Variants in PCDHGA7 observed in about 807,000 individuals in gnomAD.
The protein encoded by PCDHGA7 is protocadherin gamma subfamily A, 7, also known as protocadherin gamma-A7.
Under a neutral mutation model 58.3 loss-of-function variants are expected in PCDHGA7, and 44 were observed. That is an observed-to-expected ratio of 0.75 (90% confidence interval 0.59 to 0.97). PCDHGA7 has a LOEUF of 0.97. Among genes scored for constraint, PCDHGA7 ranks in the 50% least tolerant of loss-of-function variants. The probability of loss-of-function intolerance (pLI) is 0.00; values close to 1 mark genes in which losing one functional copy is unlikely to be tolerated. For synonymous variants in PCDHGA7, 516 were observed against 504.2 expected, an observed-to-expected ratio of 1.02 and a Z score of -0.31; for missense variants, 1,266 against 1,188.7, an observed-to-expected ratio of 1.06 and a Z score of -0.96.
Position 141,384,391 on chromosome 5 carries a change from G to A in PCDHGA7, c.1492G>A (p.Gly498Arg). Residue 498 changes from glycine (G) to arginine (R), a missense_variant, in exon 1 of 4, where the codon GGG becomes AGG. Gly to Arg is a moderately radical substitution (Grantham distance 125). Transcript: ENST00000518325. ...TTCCTTGGCCGAAGACACCATCCAGGGGGCTCCAGTGTCCTCCTATGTCTC... is the reference window on the plus strand; with the variant it reads ...TTCCTTGGCCGAAGACACCATCCAGAGGGCTCCAGTGTCCTCCTATGTCTC... ...TYSLAEDTIQ[G>R]APVSSYVSIN... 1.2e-6 allele frequency: 2 copies of A among 1,613,920 alleles called. No individual in the cohort carries two copies. The highest frequency in any genetic ancestry group is 1.7e-6 in the Non-Finnish European group (2 of 1,179,900).
chr5:141,384,922 C>A lies in PCDHGA7; in HGVS notation c.2023C>A (p.Leu675Met), dbSNP rs760972840. ...ADSIPEVLAD[L>M]GSLEPSDGPY... ...CAGCATCCCCGAAGTCTTGGCCGAC[C>A]TGGGCAGCCTTGAGCCCTCCGACGG... is the stretch of plus-strand genomic sequence containing the variant. Residue 675 changes from leucine (L) to methionine (M), a missense_variant, in exon 1 of 4, where the codon CTG becomes ATG. By Grantham distance (15) the Leu-to-Met change is conservative. Coordinates refer to ENST00000518325, the MANE Select transcript of PCDHGA7 (RefSeq NM_018920.4). 1 of 1,614,018 alleles carries A rather than the reference C, an allele frequency of 6.2e-7. No individual in the cohort carries two copies. Among genetic ancestry groups the A allele is most frequent in the African/African-American group, 1.3e-5 (1 of 75,054 alleles).
Position 141,487,552 on chromosome 5 carries a change from A to C in PCDHGA7, c.2425-7255A>C. On this transcript the variant is annotated intron_variant, in intron 1 of 3. Coordinates refer to ENST00000518325, the MANE Select transcript of PCDHGA7 (RefSeq NM_018920.4). The surrounding 1 kb of genome is among the most constrained non-coding windows in gnomAD (Gnocchi z 5.0). ...TCATGATGGTGAAGTCACCCAGTGC[A>C]CCTATGGCAGGGGAGCCTGTTCGCC... is the stretch of plus-strand genomic sequence containing the variant. 2 of 1,614,116 alleles carry C rather than the reference A, an allele frequency of 1.2e-6. No homozygotes were observed. The highest frequency in any genetic ancestry group is 1.7e-6 in the Non-Finnish European group (2 of 1,180,024).
intron 1 of PCDHGA7, among the ~76,000 whole-genome samples, chr5:141,481,730 G>C (rs778885944): frequency 6.6e-5 from 10 of 151,952 alleles, no homozygotes; most frequent in Non-Finnish European, 1.3e-4. Flanking sequence ...GAGGCGGGCG[G>C]ATCACGAGGT....
chr5:141,405,540 C>A (rs2094682922), intron 1 of PCDHGA7: 1 of 641,202 alleles, frequency 1.6e-6, no homozygotes, highest in African/African-American at 1.8e-5. Context: ...CTGCCTCAGC[C>A]TCCCAAGTAG....
chr5:141,393,614 C>T (rs971778718), intron 1 of PCDHGA7: 2 of 1,613,778 alleles, frequency 1.2e-6, no homozygotes, highest in Non-Finnish European at 1.7e-6. Flanking sequence ...TAACAGCCAG[C>T]GACCCGGATG....
chr5:141,456,984 C>G (rs374156327), intron 1 of PCDHGA7, among the ~76,000 whole-genome samples: 1 of 152,200 alleles, frequency 6.6e-6, no homozygotes, highest in East Asian at 1.9e-4. Flanking sequence ...AACAAACAAA[C>G]AAACAAAAAC....
At chr5:141,453,288 A>T (rs931678565) in intron 1 of PCDHGA7, among the ~76,000 whole-genome samples, 18 of 151,342 alleles carry the variant, frequency 1.2e-4, no homozygotes, top group Admixed American at 3.3e-4. Context: ...TAATTTTTTA[A>T]TTATTTATTT....
At chr5:141,408,936 A>T in intron 1 of PCDHGA7, 4 of 1,613,548 alleles carry the variant, frequency 2.5e-6, no homozygotes, top group Non-Finnish European at 1.7e-6. Flanking sequence ...TTCAGCAGAG[A>T]CGAATATAGA....
chr5:141,454,076 T>A (rs190918056), intron 1 of PCDHGA7, among the ~76,000 whole-genome samples: 2 of 152,352 alleles, frequency 1.3e-5, no homozygotes, highest in East Asian at 3.8e-4. Flanking sequence ...TGATAATGTT[T>A]TCAGTGAAAT....
intron 1 of PCDHGA7, chr5:141,409,921 G>T (rs767370997): frequency 6.2e-7 from 1 of 1,613,404 alleles, no homozygotes; most frequent in Admixed American, 1.7e-5. Context: ...ACGGCTCCGC[G>T]TTCTTCGATA....
rs919100488 is a variant in PCDHGA7 at position 141,511,573 on chromosome 5, G to A, written c.*400G>A. On this transcript the variant is annotated 3_prime_UTR_variant, in exon 4 of 4. Transcript: ENST00000518325. ...ACAGTTCCTCTTTCCCGAGTAAGGT[G>A]GTTGGGGTGTTGAAGTACCAAGTAA... 1.1e-4 allele frequency: 33 copies of A among 288,248 alleles called. No individual in the cohort carries two copies. Among genetic ancestry groups the A allele is most frequent in the African/African-American group, 7.1e-4 (33 of 46,356 alleles). The allele number at this position is 288,248 out of a possible 1,614,324, so 17.9% of individuals were successfully genotyped here.
chr5:141,387,088 C>T (rs2090815090), intron 1 of PCDHGA7, among the ~76,000 whole-genome samples: 2 of 152,074 alleles, frequency 1.3e-5, no homozygotes, highest in Non-Finnish European at 1.5e-5. Context: ...CTGTGATCAT[C>T]GAAATGAGAA....
intron 1 of PCDHGA7, chr5:141,409,838 G>A: frequency 1.2e-6 from 2 of 1,611,532 alleles, no homozygotes; most frequent in Non-Finnish European, 1.7e-6. Context: ...CAGCGCCAAC[G>A]TGAGCCTGCG....
intron 1 of PCDHGA7, among the ~76,000 whole-genome samples, chr5:141,430,253 T>G (rs2097270288): frequency 9.8e-6 from 1 of 102,050 alleles, no homozygotes; most frequent in Admixed American, 1.0e-4. Context: ...TAGGGAGACA[T>G]CTCCATAATA....
At chr5:141,446,891 C>A (rs1457416718) in intron 1 of PCDHGA7, among the ~76,000 whole-genome samples, 1 of 152,152 alleles carries the variant, frequency 6.6e-6, no homozygotes, top group Non-Finnish European at 1.5e-5. Context: ...GGGTTCATGG[C>A]TGAGCTACTT....
intron 1 of PCDHGA7, chr5:141,422,864 AC>A (rs2096680510): frequency 1.9e-6 from 3 of 1,614,190 alleles, no homozygotes; most frequent in Non-Finnish European, 2.5e-6. Flanking sequence ...CTCAGCAGCA[AC>A]GTGTCGCTGA....
intron 1 of PCDHGA7, among the ~76,000 whole-genome samples, chr5:141,460,221 C>T (rs931609262): frequency 3.4e-4 from 51 of 151,918 alleles, no homozygotes; most frequent in African/African-American, 1.2e-3. Flanking sequence ...TTAGTTGTGT[C>T]TTTTGAAGAG....
chr5:141,422,074 C>T (rs886758924), intron 1 of PCDHGA7: 8 of 1,612,146 alleles, frequency 5.0e-6, no homozygotes, highest in African/African-American at 4.0e-5. Context: ...GTATTCATTT[C>T]GGAACATGGA....
chr5:141,416,233 C>T (rs1313671195), intron 1 of PCDHGA7: 1 of 152,210 alleles, frequency 6.6e-6, no homozygotes, highest in Non-Finnish European at 1.5e-5. Flanking sequence ...ATTTTTCCAG[C>T]CCTATTTATA....
Sources: allele counts gnomAD v4.1 joint callset (sites outside exome capture counted in the v4.1 genomes callset), GRCh38; gene constraint gnomAD v4.1.1; non-coding constraint Gnocchi (gnomAD v3.1); transcripts MANE v1.5; gene names NCBI Gene and HGNC (gene_info 2026-07-23, HGNC 2026-07-21).